The following MTHFD2 variants were observed in gnomAD, a reference collection of about 807,000 sequenced individuals.
The protein encoded by MTHFD2 is methylenetetrahydrofolate dehydrogenase (NADP+ dependent) 2, methenyltetrahydrofolate cyclohydrolase, also known as bifunctional methylenetetrahydrofolate dehydrogenase/cyclohydrolase, mitochondrial.
Under a neutral mutation model 36.8 loss-of-function variants are expected in MTHFD2, and 26 were observed. The ratio of observed to expected loss-of-function variants is 0.71; its 90% CI spans 0.52 to 0.98. MTHFD2 has a LOEUF of 0.98. MTHFD2 is among the 50% of genes least tolerant of loss of function. MTHFD2 has a pLI of 0.00. For synonymous variants in MTHFD2, 164 were observed against 155.2 expected, an observed-to-expected ratio of 1.06 and a Z score of -0.42; for missense variants, 373 against 434.0, an observed-to-expected ratio of 0.86 and a Z score of 1.25.
At chr2:74,213,948 G>A (rs1368740577) in intron 7 of MTHFD2, 131 bp from the exon 8 acceptor site, 4 of 923,448 alleles carry the variant, frequency 4.3e-6, no homozygotes, top group Non-Finnish European at 6.5e-6. Context: ...CTTGAATGAT[G>A]TAGATGTGAT....
At chr2:74,210,785 G>GTT (rs71406865) in intron 5 of MTHFD2, among the ~76,000 whole-genome samples, 57,282 of 132,082 alleles carry the variant, frequency 0.43, 13,240 homozygotes, top group Middle Eastern at 0.53. Flanking sequence ...CATTAAGTCA[G>GTT]TTTTTTTTTT....
chr2:74,214,962 C>T lies in MTHFD2; in HGVS notation c.*720C>T, dbSNP rs1169307620. ...TGAAAGGATTCTTTTCTACATTATACATGTGTGTTGTCATATTTGGCTTTT... is the reference window on the plus strand; with the variant it reads ...TGAAAGGATTCTTTTCTACATTATATATGTGTGTTGTCATATTTGGCTTTT... On this transcript the variant is annotated 3_prime_UTR_variant, in exon 8 of 8. Coordinates refer to ENST00000394053, the MANE Select transcript of MTHFD2 (RefSeq NM_006636.4). 2 of 152,606 alleles carry T rather than the reference C, an allele frequency of 1.3e-5. No homozygotes were observed. Among genetic ancestry groups the T allele is most frequent in the Non-Finnish European group, 2.9e-5 (2 of 68,040 alleles). The allele number at this position is 152,606 out of a possible 1,614,324, so 9.5% of individuals were successfully genotyped here. A position where few individuals can be genotyped will look rare whatever the true frequency, so the allele number is the denominator to read the frequency against.
At chr2:74,201,523 ATTTTT>A (rs56236601) in intron 1 of MTHFD2, among the ~76,000 whole-genome samples, 2 of 145,924 alleles carry the variant, frequency 1.4e-5, no homozygotes, top group African/African-American at 2.5e-5. Context: ...TGCCTGGCTA[ATTTTT>A]TTTTTTTTTA....
intron 3 of MTHFD2, 104 bp downstream of exon 3, chr2:74,207,930 T>C: frequency 3.3e-6 from 4 of 1,196,322 alleles, no homozygotes; most frequent in South Asian, 3.1e-5. Context: ...CCCTCTCCTT[T>C]CCTTGTCTCA....
chr2:74,213,270 CTTTTTTTTTTTTT>C (rs10638050), intron 7 of MTHFD2, among the ~76,000 whole-genome samples: 1 of 76,032 alleles, frequency 1.3e-5, no homozygotes, highest in Non-Finnish European at 2.3e-5. Context: ...TTTTTCTTTC[CTTTTTTTTTTTTT>C]TTTTTTTTTT....
chr2:74,210,785 G>GTTTTTTTTTTTTTTTTTTT (rs71406865), intron 5 of MTHFD2, among the ~76,000 whole-genome samples: 3 of 132,070 alleles, frequency 2.3e-5, no homozygotes, highest in African/African-American at 5.8e-5. Context: ...CATTAAGTCA[G>GTTTTTTTTTTTTTTTTTTT]TTTTTTTTTT....
intron 7 of MTHFD2, among the ~76,000 whole-genome samples, chr2:74,213,680 GTTAA>G (rs1441722801): frequency 6.6e-6 from 1 of 151,888 alleles, no homozygotes; most frequent in Non-Finnish European, 1.5e-5. Context: ...TTAACATTAG[GTTAA>G]TTTTTTTTTT....
Position 74,208,741 on chromosome 2 carries a change from G to T in MTHFD2, c.562+20G>T. On this transcript the variant is annotated intron_variant, in intron 4 of 7. Transcript: ENST00000394053. ...GAACTGGTAGGTATATCCCAGAATT[G>T]CATGTCTGTGTTAATATTATAAAAG... 6.2e-7 allele frequency: 1 copy of T among 1,611,164 alleles called. No homozygotes were observed. The highest frequency in any genetic ancestry group is 8.5e-7 in the Non-Finnish European group (1 of 1,178,184).
chr2:74,211,261 A>G lies in MTHFD2; in HGVS notation c.733A>G (p.Ile245Val), dbSNP rs550586995. Residue 245 changes from isoleucine to valine, a missense_variant, in exon 6 of 8, where the codon ATT becomes GTT. This residue lies in a region of MTHFD2 where 308 missense variants were observed against 397.8 expected (regional missense o/e 0.77). Coordinates refer to ENST00000394053, the MANE Select transcript of MTHFD2 (RefSeq NM_006636.4). Reference protein sequence around the residue: ...TPKEQLKKHTILADIVISAAG... With the variant: ...TPKEQLKKHTVLADIVISAAG... Reference sequence around the variant, plus strand: ...CAAAGAGCAGTTGAAGAAACATACAATTCTTGCAGATATTGTAATATCTGC... The same window carrying G: ...CAAAGAGCAGTTGAAGAAACATACAGTTCTTGCAGATATTGTAATATCTGC... 3 of 1,607,366 alleles carry G rather than the reference A, an allele frequency of 1.9e-6. No individual in the cohort carries two copies. Among genetic ancestry groups the G allele is most frequent in the East Asian group, 2.2e-5 (1 of 44,784 alleles).
Position 74,209,984 on chromosome 2 carries a change from C to A in MTHFD2, c.605C>A (p.Ser202Ter). ...AAGAATGTGGTTGTGGCTGGAAGGTCAAAAAACGTTGGAATGCCCATTGCA... is the reference window on the plus strand; with the variant it reads ...AAGAATGTGGTTGTGGCTGGAAGGTAAAAAAACGTTGGAATGCCCATTGCA... ...LGKNVVVAGR[S>*]KNVGMPIAML... Residue 202 changes from serine (S) to a stop codon, truncating the protein, a stop_gained, in exon 5 of 8, where the codon TCA (serine) becomes TAA (stop). Coordinates refer to ENST00000394053, the MANE Select transcript of MTHFD2 (RefSeq NM_006636.4). LOFTEE classifies it high-confidence loss of function. 3 of 1,613,264 alleles carry A rather than the reference C, an allele frequency of 1.9e-6. No homozygotes were observed. The South Asian group carries it at 3.3e-5, about 18-fold the overall frequency.
chr2:74,205,638 C>A (rs1327139336), intron 1 of MTHFD2, 67 bp from the exon 2 acceptor site: 2 of 1,529,018 alleles, frequency 1.3e-6, no homozygotes, highest in East Asian at 4.8e-5. Context: ...GCCACTACAC[C>A]TGGCAGAGTT....
intron 3 of MTHFD2, among the ~76,000 whole-genome samples, chr2:74,208,031 C>G (rs10209904): frequency 0.018 from 2,733 of 152,202 alleles, 75 homozygotes; most frequent in African/African-American, 0.063. Flanking sequence ...GCCTTAGCCT[C>G]CCAAATAGCT....
At position 74,198,723 on chromosome 2, in the gene MTHFD2, T is replaced by G. The variant is rs1227427354; in HGVS notation, c.82T>G (p.Phe28Val). 1 of 1,610,368 alleles carries G rather than the reference T, an allele frequency of 6.2e-7. No homozygotes were observed. Among genetic ancestry groups the G allele is most frequent in the South Asian group, 1.1e-5 (1 of 90,708 alleles). Residue 28 changes from phenylalanine (F) to valine (V), a missense_variant, in exon 1 of 8, where the codon TTC (phenylalanine) becomes GTC (valine). Phe to Val is a conservative substitution (Grantham distance 50). Coordinates refer to ENST00000394053, the MANE Select transcript of MTHFD2 (RefSeq NM_006636.4). Reference protein sequence around the residue: ...AHSCSLRLRPFHLAAVRNEAV... With the variant: ...AHSCSLRLRPVHLAAVRNEAV... ...CAGCTGCTCCCTTCGCCTTCGCCCT[T>G]TCCACCTCGCGGCAGTTCGGTAAGA... is the stretch of plus-strand genomic sequence containing the variant.
At chr2:74,206,970 C>T (rs1417312127) in intron 2 of MTHFD2, among the ~76,000 whole-genome samples, 1 of 151,944 alleles carries the variant, frequency 6.6e-6, no homozygotes, top group African/African-American at 2.4e-5. Flanking sequence ...AGGTGATCTG[C>T]GCCTGCCTCA....
In MTHFD2 at chr2:74,211,202, A is replaced by G. The variant is rs745611244; in HGVS notation, c.674A>G (p.Asp225Gly). ...TDGAHERPGG[D>G]ATVTISHRYT... Reference sequence around the variant, plus strand: ...ACATCTATTTTTTTCTTTCTAGGTGATGCCACTGTTACAATATCTCATCGA... The same window carrying G: ...ACATCTATTTTTTTCTTTCTAGGTGGTGCCACTGTTACAATATCTCATCGA... Residue 225 changes from aspartate to glycine, a missense_variant, in exon 6 of 8, where the codon GAT becomes GGT. Transcript: ENST00000394053. 1.2e-5 allele frequency: 19 copies of G among 1,598,524 alleles called. No homozygotes were observed. Among genetic ancestry groups the G allele is most frequent in the Non-Finnish European group, 1.6e-5 (19 of 1,168,290 alleles).
In MTHFD2 at chr2:74,214,256, T is replaced by G; in HGVS notation, c.*14T>G. 3 of 1,612,446 alleles carry G rather than the reference T, an allele frequency of 1.9e-6. No homozygotes were observed. The highest frequency in any genetic ancestry group is 2.5e-6 in the Non-Finnish European group (3 of 1,179,066). The stretch of plus-strand genomic sequence containing the variant: ...GCCACTAATTAACTACTGTGTCTTC[T>G]GTGTCACAAACAGCACTCCAGGCCA... On this transcript the variant is annotated 3_prime_UTR_variant, in exon 8 of 8. Transcript: ENST00000394053.
Position 74,211,324 on chromosome 2 carries a change from TCAC to T in MTHFD2, c.763+35_763+37del, listed in dbSNP as rs779465190. On this transcript the variant is annotated intron_variant, in intron 6 of 7. Coordinates refer to ENST00000394053, the MANE Select transcript of MTHFD2 (RefSeq NM_006636.4). ...CACAAGGGGGATGGAGGGAAGGACT[TCAC>T]CTCAGAAGAGGAGGTTGTACCCCTC... 3.0e-5 allele frequency: 42 copies of T among 1,409,694 alleles called. No homozygotes were observed. The African/African-American group carries it at 5.9e-4, about 20-fold the overall frequency. The allele number at this position is 1,409,694 out of a possible 1,614,324, so 87.3% of individuals were successfully genotyped here.
chr2:74,211,922 G>C, intron 7 of MTHFD2, 56 bp downstream of exon 7: 3 of 1,243,824 alleles, frequency 2.4e-6, no homozygotes, highest in Non-Finnish European at 3.4e-6. Context: ...ACCTTTCATG[G>C]ACATTTAGGA....
chr2:74,210,481 C>CAGTT (rs1485247124), intron 5 of MTHFD2, among the ~76,000 whole-genome samples: 1 of 152,194 alleles, frequency 6.6e-6, no homozygotes, highest in Non-Finnish European at 1.5e-5. Context: ...CCTCGTCAAT[C>CAGTT]AGTTATCACA....
Sources: gnomAD v4.1 joint callset for allele counts (sites outside exome capture counted in the v4.1 genomes callset) on GRCh38, gnomAD v4.1.1 for gene constraint, gnomAD v4.1.1 regional missense constraint, MANE v1.5 for transcripts, NCBI Gene and HGNC (gene_info 2026-07-23, HGNC 2026-07-21) for gene names.